DOK6: variants seen among roughly 807,000 people sequenced by gnomAD.
DOK6 encodes downstream of tyrosine kinase 6.
Under a neutral mutation model 44.0 loss-of-function variants are expected in DOK6, and 22 were observed. That is an observed-to-expected ratio of 0.50 (90% CI 0.36 to 0.71). DOK6 has a LOEUF of 0.71. Ranked by LOEUF, DOK6 falls within the 30% of genes least tolerant of loss-of-function variation. The probability of loss-of-function intolerance (pLI) is 0.00; values close to 1 mark genes in which losing one functional copy is unlikely to be tolerated. For synonymous variants in DOK6, 166 were observed against 145.5 expected (o/e 1.14, Z -1.01); for missense variants, 340 against 416.4 (o/e 0.82, Z 1.60).
intron 2 of DOK6, among the ~76,000 whole-genome samples, chr18:69,574,626 T>C (rs560332998): frequency 6.6e-6 from 1 of 152,150 alleles, no homozygotes; most frequent in South Asian, 2.1e-4. Flanking sequence ...TTATCTAGTG[T>C]TGGCAGGCTC....
intron 3 of DOK6, among the ~76,000 whole-genome samples, chr18:69,677,517 T>C (rs1339980381): frequency 7.9e-5 from 12 of 152,156 alleles, no homozygotes; most frequent in Admixed American, 7.2e-4. Context: ...TAAGGTAAAG[T>C]ACTACAAATA....
intron 1 of DOK6, among the ~76,000 whole-genome samples, chr18:69,462,408 T>G (rs770146223): frequency 1.3e-5 from 2 of 151,876 alleles, no homozygotes; most frequent in Non-Finnish European, 2.9e-5. Flanking sequence ...GTGTGTGTCC[T>G]CAAACTATTC....
At chr18:69,464,480 T>G (rs898061762) in intron 1 of DOK6, among the ~76,000 whole-genome samples, 1 of 152,254 alleles carries the variant, frequency 6.6e-6, no homozygotes, top group African/African-American at 2.4e-5. Context: ...TTTATTTAAT[T>G]GGACTTTATA....
At chr18:69,676,156 T>C (rs1019518597) in intron 3 of DOK6, among the ~76,000 whole-genome samples, 4 of 152,208 alleles carry the variant, frequency 2.6e-5, no homozygotes, top group African/African-American at 9.6e-5. Context: ...AGTGAGGGGA[T>C]GGTCCCTGAC....
intron 3 of DOK6, among the ~76,000 whole-genome samples, chr18:69,619,523 A>G (rs1441743155): frequency 6.6e-6 from 1 of 152,202 alleles, no homozygotes; most frequent in Non-Finnish European, 1.5e-5. Context: ...TCCCATGTGC[A>G]GCTTCTAAAA....
chr18:69,674,299 A>G (rs1985871483), intron 3 of DOK6, among the ~76,000 whole-genome samples: 1 of 152,236 alleles, frequency 6.6e-6, no homozygotes, highest in Non-Finnish European at 1.5e-5. Flanking sequence ...CTCCAAGTAT[A>G]CAGACTACAA....
chr18:69,535,162 T>G (rs1982087763), intron 1 of DOK6, among the ~76,000 whole-genome samples: 1 of 152,164 alleles, frequency 6.6e-6, no homozygotes, highest in Non-Finnish European at 1.5e-5. Context: ...GGAACGAATG[T>G]GAATCACCGT....
rs568386604 is a variant in DOK6 at position 69,577,914 on chromosome 18, C to T, written c.174+13320C>T. Among the ~76,000 whole-genome samples, 3 of 152,158 alleles carry T rather than the reference C, an allele frequency of 2.0e-5. No individual in the cohort carries two copies. In the East Asian group the frequency reaches 5.8e-4, roughly 29 times the overall value. Reference sequence around the variant, plus strand: ...AATTATTCTATGTGGCTTAATAATGCCGTGGAAAGCAGATCACTCAGTACT... The same window carrying T: ...AATTATTCTATGTGGCTTAATAATGTCGTGGAAAGCAGATCACTCAGTACT... On this transcript the variant is annotated intron_variant, in intron 2 of 7. Transcript: ENST00000382713.
At chr18:69,502,567 T>C (rs1981075464) in intron 1 of DOK6, among the ~76,000 whole-genome samples, 1 of 152,136 alleles carries the variant, frequency 6.6e-6, no homozygotes. Flanking sequence ...TATCTTTAAT[T>C]TGTTAGAAAC....
chr18:69,825,427 C>CTTTTTTTTTTTT (rs34656265), intron 7 of DOK6, among the ~76,000 whole-genome samples: 1 of 82,958 alleles, frequency 1.2e-5, no homozygotes, highest in Non-Finnish European at 2.3e-5. Flanking sequence ...ATCATAACTT[C>CTTTTTTTTTTTT]TTTTTTTTTT....
At chr18:69,523,289 G>A (rs931316884) in intron 1 of DOK6, among the ~76,000 whole-genome samples, 7 of 152,014 alleles carry the variant, frequency 4.6e-5, no homozygotes, top group Non-Finnish European at 1.0e-4. Context: ...GAATGATTTT[G>A]TGAAATGTGT....
chr18:69,750,653 T>C (rs944996121), intron 6 of DOK6, among the ~76,000 whole-genome samples: 7 of 152,152 alleles, frequency 4.6e-5, no homozygotes, highest in African/African-American at 1.4e-4. Context: ...AGTACAACCA[T>C]TGGGGAAAAC....
At chr18:69,587,714 G>A (rs7232472) in intron 2 of DOK6, among the ~76,000 whole-genome samples, 1,752 of 151,126 alleles carry the variant, frequency 0.012, 23 homozygotes, top group African/African-American at 0.04. Flanking sequence ...TGACTGAGTT[G>A]TTTTGTGAAT....
At chr18:69,495,212 A>T (rs1980848071) in intron 1 of DOK6, among the ~76,000 whole-genome samples, 1 of 152,186 alleles carries the variant, frequency 6.6e-6, no homozygotes, top group Non-Finnish European at 1.5e-5. Flanking sequence ...CCAAAGAGGG[A>T]GTCACAGTCT....
chr18:69,680,235 C>T (rs181217420), intron 4 of DOK6, among the ~76,000 whole-genome samples: 1 of 152,172 alleles, frequency 6.6e-6, no homozygotes, highest in Non-Finnish European at 1.5e-5. Context: ...AGTACACATG[C>T]TGGGAGACAG....
chr18:69,546,894 G>A (rs898096299), intron 1 of DOK6, among the ~76,000 whole-genome samples: 5 of 151,480 alleles, frequency 3.3e-5, no homozygotes, highest in East Asian at 1.9e-4. Flanking sequence ...AGAAATATCC[G>A]AGACTGGGTA....
chr18:69,813,882 A>G (rs919918444), intron 7 of DOK6, among the ~76,000 whole-genome samples: 2 of 152,228 alleles, frequency 1.3e-5, no homozygotes, highest in African/African-American at 2.4e-5. Flanking sequence ...AAGTAGGAAC[A>G]AGGCTTATTC....
At chr18:69,662,907 A>G (rs937108802) in intron 3 of DOK6, 1 of 152,228 alleles carries the variant, frequency 6.6e-6, no homozygotes, top group African/African-American at 2.4e-5. Flanking sequence ...TCAAGGTGAC[A>G]TGTATTCACC....
intron 1 of DOK6, among the ~76,000 whole-genome samples, chr18:69,426,211 T>C (rs1220586547): frequency 6.6e-6 from 1 of 152,166 alleles, no homozygotes; most frequent in Non-Finnish European, 1.5e-5. Context: ...TCTGCCCAAC[T>C]TGTTCATTTA....
Sources: gnomAD v4.1 joint callset for allele counts (sites outside exome capture counted in the v4.1 genomes callset) on GRCh38, gnomAD v4.1.1 for gene constraint, MANE v1.5 for transcripts, NCBI Gene and HGNC (gene_info 2026-07-23, HGNC 2026-07-21) for gene names.